RABGAP1L: variants seen among roughly 807,000 people sequenced by gnomAD.
RABGAP1L encodes rab GTPase-activating protein 1-like.
RABGAP1L carries 63 observed loss-of-function variants against 137.7 expected under a neutral mutation model. The observed-to-expected ratio is 0.46, with a 90% CI of 0.37 to 0.56. The LOEUF (loss-of-function observed/expected upper bound fraction) is 0.56. Ranked by LOEUF, RABGAP1L falls within the 20% of genes least tolerant of loss-of-function variation. The probability of loss-of-function intolerance (pLI) is 0.00; values close to 1 mark genes in which losing one functional copy is unlikely to be tolerated. For missense variants in RABGAP1L, 1,095 were observed against 1,244.0 expected (o/e 0.88, Z 1.80); for synonymous variants, 431 against 433.7 (o/e 0.99, Z 0.08).
intron 13 of RABGAP1L, among the ~76,000 whole-genome samples, chr1:174,499,522 A>T (rs754432839): frequency 1.3e-5 from 2 of 152,144 alleles, no homozygotes; most frequent in Non-Finnish European, 2.9e-5. Flanking sequence ...AGAAACATGG[A>T]TTCTTAGTGG....
intron 19 of RABGAP1L, among the ~76,000 whole-genome samples, chr1:174,874,929 A>G (rs918859523): frequency 6.6e-6 from 1 of 152,186 alleles, no homozygotes; most frequent in African/African-American, 2.4e-5. Flanking sequence ...TTTAAGGAAC[A>G]TTTTAAGGGT....
intron 19 of RABGAP1L, among the ~76,000 whole-genome samples, chr1:174,906,085 T>C (rs1373480438): frequency 6.6e-6 from 1 of 151,996 alleles, no homozygotes; most frequent in Non-Finnish European, 1.5e-5. Flanking sequence ...TGGCCCCATC[T>C]CCACTCACTG....
chr1:174,956,081 AC>A (rs1458794663), intron 19 of RABGAP1L, among the ~76,000 whole-genome samples: 2 of 152,194 alleles, frequency 1.3e-5, no homozygotes, highest in Non-Finnish European at 2.9e-5. Context: ...ATGTCCATAA[AC>A]CAGGCATTGT....
At chr1:174,466,185 C>T (rs1657275607) in intron 13 of RABGAP1L, among the ~76,000 whole-genome samples, 1 of 152,116 alleles carries the variant, frequency 6.6e-6, no homozygotes, top group Non-Finnish European at 1.5e-5. Flanking sequence ...AGTTGCAGGG[C>T]TTTGCAGTTA....
intron 17 of RABGAP1L, among the ~76,000 whole-genome samples, chr1:174,731,406 A>G (rs1682459538): frequency 6.6e-6 from 1 of 152,200 alleles, no homozygotes; most frequent in East Asian, 1.9e-4. Context: ...TGTCATGTTT[A>G]AGATTTCTAG....
At chr1:174,175,468 A>G (rs2148257415) in intron 1 of RABGAP1L, among the ~76,000 whole-genome samples, 1 of 150,382 alleles carries the variant, frequency 6.6e-6, no homozygotes, top group Non-Finnish European at 1.5e-5. Flanking sequence ...CTGTTTCTGC[A>G]TTAGACTACA....
Position 174,221,144 on chromosome 1 carries a change from T to G in RABGAP1L, c.311T>G (p.Ile104Ser). The part of the protein sequence containing the change: ...SQTNKPSLQL[I>S]LDPSNTEIST... ...ACAAATAAGCCATCTCTTCAGTTAA[T>G]TTTGGATCCGTCTAACACAGGTACT... Residue 104 changes from isoleucine (I) to serine (S), a missense_variant, in exon 3 of 26, where the codon ATT becomes AGT. Around this residue, in one of 4 missense-constraint regions of RABGAP1L, gnomAD observed 356 missense variants for 326.3 expected, o/e 1.09. Transcript: ENST00000681986. 6.2e-7 allele frequency: 1 copy of G among 1,611,918 alleles called. No individual in the cohort carries two copies. The highest frequency in any genetic ancestry group is 2.2e-5 in the East Asian group (1 of 44,764).
In RABGAP1L at chr1:174,463,410, A is replaced by G. The variant is rs997773361; in HGVS notation, c.1710+69265A>G. Among the ~76,000 whole-genome samples, 8 of 151,904 alleles carry G rather than the reference A, an allele frequency of 5.3e-5. No individual in the cohort carries two copies. In the East Asian group the frequency reaches 5.8e-4, roughly 11 times the overall value. On this transcript the variant is annotated intron_variant, in intron 13 of 25. Coordinates refer to ENST00000681986, the MANE Select transcript of RABGAP1L (RefSeq NM_001366446.1). Reference sequence around the variant, plus strand: ...CATCATTCTCAGTAAACTATCGCAAAAACAAAAAACCAAACACCGCATGTT... The same window carrying G: ...CATCATTCTCAGTAAACTATCGCAAGAACAAAAAACCAAACACCGCATGTT...
intron 13 of RABGAP1L, among the ~76,000 whole-genome samples, chr1:174,505,943 A>G (rs867896588): frequency 1.3e-5 from 2 of 152,352 alleles, no homozygotes; most frequent in South Asian, 4.1e-4. Flanking sequence ...TGAATACATA[A>G]TGGAATACCA....
intron 19 of RABGAP1L, among the ~76,000 whole-genome samples, chr1:174,927,564 A>C (rs1663053983): frequency 6.6e-6 from 1 of 152,050 alleles, no homozygotes; most frequent in East Asian, 1.9e-4. Flanking sequence ...TTTTAGAGAC[A>C]TGGTTTTGCT....
rs561011444 is a variant in RABGAP1L, at chr1:174,298,621, T to A, written c.1324-6365T>A. 3.3e-4 allele frequency among the ~76,000 whole-genome samples: 50 copies of A among 152,328 alleles called. No individual in the cohort carries two copies. In the South Asian group the frequency reaches 9.5e-3, roughly 29 times the overall value. On this transcript the variant is annotated intron_variant, in intron 10 of 25. Transcript: ENST00000681986. Reference sequence around the variant, plus strand: ...TCTTAAGGGGGTTGAATGGACTCCTTATCATAAGCCAAATGCTAAGGTGAA... The same window carrying A: ...TCTTAAGGGGGTTGAATGGACTCCTAATCATAAGCCAAATGCTAAGGTGAA...
chr1:174,760,269 A>C (rs2148700332), intron 18 of RABGAP1L, among the ~76,000 whole-genome samples: 1 of 152,066 alleles, frequency 6.6e-6, no homozygotes, highest in Middle Eastern at 3.4e-3. Context: ...TGGTATACAG[A>C]TTATTTCTTC....
At chr1:174,929,368 T>A (rs913737282) in intron 19 of RABGAP1L, among the ~76,000 whole-genome samples, 1 of 152,190 alleles carries the variant, frequency 6.6e-6, no homozygotes, top group African/African-American at 2.4e-5. Flanking sequence ...TTCCTCACTT[T>A]CAACTGTCAG....
intron 19 of RABGAP1L, among the ~76,000 whole-genome samples, chr1:174,921,215 G>A (rs926077034): frequency 3.9e-5 from 6 of 152,188 alleles, no homozygotes; most frequent in East Asian, 3.9e-4. Flanking sequence ...GAGCCACTGC[G>A]CCCGGCCCAG....
intron 17 of RABGAP1L, among the ~76,000 whole-genome samples, chr1:174,712,244 C>A (rs1247029951): frequency 6.6e-6 from 1 of 152,196 alleles, no homozygotes; most frequent in African/African-American, 2.4e-5. Flanking sequence ...CAGTCACCTT[C>A]CGGACTGTGG....
At chr1:174,416,779 G>A (rs1349198604) in intron 13 of RABGAP1L, among the ~76,000 whole-genome samples, 1 of 152,102 alleles carries the variant, frequency 6.6e-6, no homozygotes, top group Non-Finnish European at 1.5e-5. Context: ...TACTATATAA[G>A]AGAGTATTTT....
intron 17 of RABGAP1L, among the ~76,000 whole-genome samples, chr1:174,749,446 C>CA (rs912374985): frequency 1.8e-4 from 28 of 152,112 alleles, no homozygotes; most frequent in African/African-American, 6.3e-4. Flanking sequence ...CCTCCTGCCT[C>CA]AGCCTCCCAT....
intron 19 of RABGAP1L, among the ~76,000 whole-genome samples, chr1:174,888,324 A>G (rs1444519802): frequency 6.6e-6 from 1 of 152,162 alleles, no homozygotes; most frequent in Non-Finnish European, 1.5e-5. Context: ...TTTTCCATCT[A>G]AGTTCAATTC....
intron 19 of RABGAP1L, among the ~76,000 whole-genome samples, chr1:174,857,987 T>C (rs568318405): frequency 2.0e-5 from 3 of 152,198 alleles, no homozygotes; most frequent in African/African-American, 7.2e-5. Flanking sequence ...CTCCTCTCTA[T>C]AATTGTATTT....
Sources: allele counts gnomAD v4.1 joint callset (sites outside exome capture counted in the v4.1 genomes callset), GRCh38; gene constraint gnomAD v4.1.1; regional missense constraint gnomAD v4.1.1; transcripts MANE v1.5; gene names NCBI Gene and HGNC (gene_info 2026-07-23, HGNC 2026-07-21).